The following LSM12 variants were observed in gnomAD, a reference collection of about 807,000 sequenced individuals.
The protein encoded by LSM12 is protein LSM12.
For synonymous variants in LSM12, 74 were observed against 87.3 expected (o/e 0.85, Z 0.85); for missense variants, 108 against 238.9 (o/e 0.45, Z 3.61).
At chr17:44,038,905 A>G (rs1469997676) in intron 3 of LSM12, among the ~76,000 whole-genome samples, 1 of 152,098 alleles carries the variant, frequency 6.6e-6, no homozygotes, top group African/African-American at 2.4e-5. Context: ...CTCTGATGCC[A>G]GCTGCCATCT....
chr17:44,039,280 C>T (rs2049456482), intron 3 of LSM12, among the ~76,000 whole-genome samples: 2 of 151,900 alleles, frequency 1.3e-5, no homozygotes, highest in South Asian at 4.1e-4. Flanking sequence ...GTCTGGAACT[C>T]CCGACCTCAG....
At chr17:44,038,570 G>A (rs906799888) in intron 3 of LSM12, among the ~76,000 whole-genome samples, 1 of 152,036 alleles carries the variant, frequency 6.6e-6, no homozygotes, top group African/African-American at 2.4e-5. Context: ...CAGGAGAATC[G>A]CTTGAACCTG....
intron 2 of LSM12, among the ~76,000 whole-genome samples, chr17:44,041,797 G>C (rs751302237): frequency 8.5e-5 from 13 of 152,150 alleles, no homozygotes; most frequent in African/African-American, 1.4e-4. Flanking sequence ...TTGTTTGAGT[G>C]TAAGACAAAA....
At chr17:44,050,447 A>G (rs1258238641) in intron 2 of LSM12, among the ~76,000 whole-genome samples, 2 of 151,746 alleles carry the variant, frequency 1.3e-5, no homozygotes, top group African/African-American at 4.8e-5. Flanking sequence ...ATAGGCTCTC[A>G]AAAATATATC....
chr17:44,062,217 G>A (rs939845910), intron 2 of LSM12, among the ~76,000 whole-genome samples: 25 of 96,932 alleles, frequency 2.6e-4, no homozygotes, highest in African/African-American at 8.6e-4. Context: ...GCGAGACTCC[G>A]TCTCAAAAAA....
chr17:44,043,139 G>C (rs569875661), intron 2 of LSM12, among the ~76,000 whole-genome samples: 5 of 152,220 alleles, frequency 3.3e-5, no homozygotes, highest in Admixed American at 6.5e-5. Flanking sequence ...TCTTGTCCTT[G>C]CAAGTTTCAA....
intron 1 of LSM12, among the ~76,000 whole-genome samples, chr17:44,065,119 G>C (rs2049854318): frequency 6.7e-6 from 1 of 150,036 alleles, no homozygotes; most frequent in African/African-American, 2.5e-5. Flanking sequence ...GGCAATAAGA[G>C]TGAAACTCCG....
At chr17:44,057,861 C>A (rs1206332850) in intron 2 of LSM12, among the ~76,000 whole-genome samples, 1 of 151,944 alleles carries the variant, frequency 6.6e-6, no homozygotes, top group Non-Finnish European at 1.5e-5. Context: ...TGGCATAAAT[C>A]TTCTATGGGC....
chr17:44,039,348 CCCGA>C (rs1477405322), intron 3 of LSM12, among the ~76,000 whole-genome samples: 3 of 150,484 alleles, frequency 2.0e-5, no homozygotes, highest in Non-Finnish European at 4.4e-5. Flanking sequence ...AGCCACCGTG[CCCGA>C]CCAACAAAAT....
chr17:44,055,631 C>G (rs1397263852), intron 2 of LSM12, among the ~76,000 whole-genome samples: 1 of 148,306 alleles, frequency 6.7e-6, no homozygotes, highest in Non-Finnish European at 1.5e-5. Flanking sequence ...GAGCAGAGAT[C>G]ACACCACTGC....
At chr17:44,053,903 G>C (rs1379456449) in intron 2 of LSM12, among the ~76,000 whole-genome samples, 1 of 152,118 alleles carries the variant, frequency 6.6e-6, no homozygotes, top group African/African-American at 2.4e-5. Context: ...GCCAGAAAAA[G>C]TTTTAGTTAG....
intron 4 of LSM12, 49 bp from the exon 5 acceptor site, chr17:44,036,349 G>A: frequency 1.2e-6 from 2 of 1,611,614 alleles, no homozygotes; most frequent in Non-Finnish European, 1.7e-6. Context: ...GCGGAAGAAA[G>A]GTCTCCCAAA....
chr17:44,062,031 C>T (rs1364799330), intron 2 of LSM12, among the ~76,000 whole-genome samples: 2 of 151,918 alleles, frequency 1.3e-5, no homozygotes, highest in South Asian at 2.1e-4. Context: ...ACCGTCCTGG[C>T]TAACACAGTG....
At chr17:44,045,564 T>C (rs902685061) in intron 2 of LSM12, among the ~76,000 whole-genome samples, 2 of 152,166 alleles carry the variant, frequency 1.3e-5, no homozygotes, top group African/African-American at 2.4e-5. Context: ...CTGAATTGTT[T>C]CCAGTTTTGT....
At chr17:44,039,365 CTTTT>C (rs35411238) in intron 3 of LSM12, among the ~76,000 whole-genome samples, 2 of 51,056 alleles carry the variant, frequency 3.9e-5, no homozygotes, top group Non-Finnish European at 6.8e-5. Context: ...AACAAAATGT[CTTTT>C]TTTTTTTTTT....
intron 3 of LSM12, among the ~76,000 whole-genome samples, chr17:44,038,171 A>G (rs2049439620): frequency 6.6e-6 from 1 of 152,026 alleles, no homozygotes; most frequent in African/African-American, 2.4e-5. Flanking sequence ...CAACAGGGCA[A>G]AAACTCGTCT....
intron 2 of LSM12, among the ~76,000 whole-genome samples, chr17:44,063,373 CT>C (rs1349058976): frequency 1.3e-5 from 2 of 152,140 alleles, no homozygotes; most frequent in Non-Finnish European, 2.9e-5. Context: ...GGCTTTCAAA[CT>C]TTTCTAAGTC....
intron 2 of LSM12, among the ~76,000 whole-genome samples, chr17:44,043,548 CTT>C (rs34478151): frequency 1.2e-4 from 16 of 134,192 alleles, no homozygotes; most frequent in South Asian, 2.3e-4. Flanking sequence ...GAGGAGTTTC[CTT>C]TTTTTTTTTT....
chr17:44,053,089 C>G (rs1406825179), intron 2 of LSM12, among the ~76,000 whole-genome samples: 1 of 152,112 alleles, frequency 6.6e-6, no homozygotes, highest in East Asian at 1.9e-4. Context: ...TCTTCCTTCC[C>G]TTTCTCTGAA....
Sources: allele counts gnomAD v4.1 joint callset (sites outside exome capture counted in the v4.1 genomes callset), GRCh38; gene constraint gnomAD v4.1.1; transcripts MANE v1.5; gene names NCBI Gene and HGNC (gene_info 2026-07-23, HGNC 2026-07-21).